MAN2B1: variants seen among roughly 807,000 people sequenced by gnomAD.
MAN2B1 encodes the protein mannosidase alpha class 2B member 1, also known as lysosomal alpha-mannosidase.
In MAN2B1, 99 loss-of-function variants were observed where a neutral mutation model predicts 127.5. That is an observed-to-expected ratio of 0.78 (90% CI 0.66 to 0.92). MAN2B1 has a LOEUF of 0.92. Ranked by LOEUF, MAN2B1 falls within the 40% of genes least tolerant of loss-of-function variation. The pLI, the probability that MAN2B1 is intolerant of heterozygous loss-of-function variation, is 0.00. For synonymous variants in MAN2B1, 573 were observed against 568.8 expected, an observed-to-expected ratio of 1.01 and a Z score of -0.11; for missense variants, 1,304 against 1,384.8, an observed-to-expected ratio of 0.94 and a Z score of 0.93.
chr19:12,652,012 G>C (rs1050613544), intron 16 of MAN2B1, 141 bp downstream of exon 16: 2 of 745,594 alleles, frequency 2.7e-6, no homozygotes, highest in Admixed American at 1.8e-5. Context: ...TATTTCCCCC[G>C]CTGATCTGTG....
Position 12,665,417 on chromosome 19 carries a change from A to G in MAN2B1, c.371T>C (p.Phe124Ser), listed in dbSNP as rs748180600. The G allele has an allele frequency of 1.1e-5, 17 of 1,613,382 alleles. No homozygotes were observed. The highest frequency in any genetic ancestry group is 1.4e-5 in the Non-Finnish European group (17 of 1,180,030). ...TGTCTGCTGGTGCCACCAACGGGAG[A>G]AGAAGGCAATCTCCACGTAAATGAA... ...RRFIYVEIAF[F>S]SRWWHQQTNA... The change falls in exon 3 of 24, where the codon TTC (phenylalanine) becomes TCC (serine). Residue 124 changes from phenylalanine (F) to serine (S), a missense_variant. Transcript: ENST00000456935.
chr19:12,655,731 C>T lies in MAN2B1; in HGVS notation c.1793G>A (p.Arg598Lys). 1 of 1,609,236 alleles carries T rather than the reference C, an allele frequency of 6.2e-7. No individual in the cohort carries two copies. Among genetic ancestry groups the T allele is most frequent in the South Asian group, 1.1e-5 (1 of 90,816 alleles). Residue 598 changes from arginine (R) to lysine (K), a missense_variant, in exon 14 of 24, where the codon AGA (arginine) becomes AAA (lysine). Transcript: ENST00000456935. ...PQARAPQPIP[R>K]RSWSPALTIE... Reference sequence around the variant, plus strand: ...GGTTAAAGCAGGGGACCAGGATCTTCTGGGGATGGGCTGTGGTGCGCGGGC... The same window carrying T: ...GGTTAAAGCAGGGGACCAGGATCTTTTGGGGATGGGCTGTGGTGCGCGGGC...
chr19:12,658,733 G>T, intron 7 of MAN2B1: 1 of 574,504 alleles, frequency 1.7e-6, no homozygotes, highest in Non-Finnish European at 3.1e-6. Flanking sequence ...GAATAAACCT[G>T]AAATTTTACT....
rs1246754802 is a variant in MAN2B1, at chr19:12,647,645, A to C, written c.2665-47T>G. 4.6e-6 allele frequency: 7 copies of C among 1,509,848 alleles called. No homozygotes were observed. Among genetic ancestry groups the C allele is most frequent in the East Asian group, 4.8e-5 (2 of 41,508 alleles). The allele number at this position is 1,509,848 out of a possible 1,614,324, so 93.5% of individuals were successfully genotyped here. On this transcript the variant is annotated intron_variant, in intron 21 of 23. Coordinates refer to ENST00000456935, the MANE Select transcript of MAN2B1 (RefSeq NM_000528.4). The surrounding 1 kb of genome is among the most constrained non-coding windows in gnomAD (Gnocchi z 4.9). ...TGAGTTGGAGAGGGGCGGGGCCTGG[A>C]TGGAGAAGGGCGGGGCCGAGCCAGG...
chr19:12,647,368 G>C lies in MAN2B1; in HGVS notation c.2821-33C>G, dbSNP rs779879898. 1 of 1,611,734 alleles carries C rather than the reference G, an allele frequency of 6.2e-7. No individual in the cohort carries two copies. The highest frequency in any genetic ancestry group is 1.3e-5 in the African/African-American group (1 of 74,848). ...GAAGGGGATGGGCCCAGATGAGTTG[G>C]GGCAAAGCCAGGTTTCTCTTCTCTC... is the stretch of plus-strand genomic sequence containing the variant. On this transcript the variant is annotated intron_variant, in intron 22 of 23. Transcript: ENST00000456935. This position sits in a 1 kb window ranked among gnomAD's most constrained non-coding sequence, Gnocchi z 4.9.
chr19:12,659,631 C>T (rs1286702175), intron 7 of MAN2B1, among the ~76,000 whole-genome samples: 1 of 151,774 alleles, frequency 6.6e-6, no homozygotes, highest in East Asian at 2.0e-4. Context: ...CCAGCCTGGC[C>T]AACATAGTGA....
chr19:12,657,868 T>G (rs1450219591), intron 10 of MAN2B1, 195 bp downstream of exon 10: 19 of 619,094 alleles, frequency 3.1e-5, no homozygotes, highest in Non-Finnish European at 2.7e-6. Flanking sequence ...GTCAGGAGAA[T>G]GGCGTGAACA....
chr19:12,661,038 T>C (rs1027678629), intron 7 of MAN2B1: 1 of 468,692 alleles, frequency 2.1e-6, no homozygotes, highest in Admixed American at 2.8e-5. Flanking sequence ...ATTACAGGCA[T>C]GAGCCATTGC....
chr19:12,656,434 G>A, intron 13 of MAN2B1, 137 bp downstream of exon 13: 1 of 699,948 alleles, frequency 1.4e-6, no homozygotes, highest in South Asian at 1.6e-5. Flanking sequence ...GGGGCAGAGG[G>A]AGAAGATACA....
intron 5 of MAN2B1, 119 bp from the exon 6 acceptor site, chr19:12,663,581 G>T: frequency 6.5e-7 from 1 of 1,545,834 alleles, no homozygotes. Context: ...AAAAGGAAAT[G>T]CAGGGCCTTT....
intron 18 of MAN2B1, 47 bp from the exon 19 acceptor site, chr19:12,649,475 C>CTAT: frequency 3.5e-6 from 2 of 574,484 alleles, no homozygotes; most frequent in Non-Finnish European, 5.6e-6. Flanking sequence ...GGCTCCCCAA[C>CTAT]TCTTTTTTTT....
chr19:12,658,052 C>T lies in MAN2B1; in HGVS notation c.1309+11G>A. On this transcript the variant is annotated intron_variant, in intron 10 of 23. Transcript: ENST00000456935. ...CCGCAAACCTCTTCCCCTCTTGGGCCCGACACTTACTGAGGGGTGCACTGT... is the reference window on the plus strand; with the variant it reads ...CCGCAAACCTCTTCCCCTCTTGGGCTCGACACTTACTGAGGGGTGCACTGT... 6.2e-7 allele frequency: 1 copy of T among 1,612,928 alleles called. No individual in the cohort carries two copies. The highest frequency in any genetic ancestry group is 8.5e-7 in the Non-Finnish European group (1 of 1,179,766).
intron 16 of MAN2B1, among the ~76,000 whole-genome samples, chr19:12,651,640 T>A (rs1194756647): frequency 6.6e-6 from 1 of 152,192 alleles, no homozygotes; most frequent in Non-Finnish European, 1.5e-5. Context: ...TGGACAAATG[T>A]GAGTTTTGTC....
rs1375276402 is a variant in MAN2B1, at chr19:12,649,128, C to G, written c.2436+8G>C. 6.2e-7 allele frequency: 1 copy of G among 1,611,364 alleles called. No homozygotes were observed. The highest frequency in any genetic ancestry group is 8.5e-7 in the Non-Finnish European group (1 of 1,179,376). On this transcript the variant is annotated splice_region_variant and intron_variant, in intron 20 of 23. Coordinates refer to ENST00000456935, the MANE Select transcript of MAN2B1 (RefSeq NM_000528.4). ...ACCCTGGCTCGGATGGGGCTCTGACCCACTCACCATGAGCTCCAGCGAGCC... is the reference window on the plus strand; with the variant it reads ...ACCCTGGCTCGGATGGGGCTCTGACGCACTCACCATGAGCTCCAGCGAGCC...
At chr19:12,649,276 T>C (rs2023777529) in intron 19 of MAN2B1, 60 bp from the exon 20 acceptor site, 3 of 1,596,794 alleles carry the variant, frequency 1.9e-6, no homozygotes, top group Non-Finnish European at 2.6e-6. Flanking sequence ...AGCTTTGAGA[T>C]GCTGCAGATA....
Position 12,648,371 on chromosome 19 carries a change from C to G in MAN2B1, c.2468G>C (p.Arg823Pro). 1 of 1,613,272 alleles carries G rather than the reference C, an allele frequency of 6.2e-7. No individual in the cohort carries two copies. The highest frequency in any genetic ancestry group is 8.5e-7 in the Non-Finnish European group (1 of 1,179,534). The change falls in exon 21 of 24, where the codon CGC (arginine) becomes CCC (proline). Residue 823 changes from arginine (R) to proline (P), a missense_variant. By Grantham distance (103) the Arg-to-Pro change is moderately radical. Transcript: ENST00000456935. ...VHRRLLKDDG[R>P]GVSEPLMENG... ...CTCCATTAGTGGCTCCGATACTCCG[C>G]GTCCATCGTCCTTCAGCAGCCTTCG...
chr19:12,658,896 G>T, intron 7 of MAN2B1: 1 of 337,826 alleles, frequency 3.0e-6, no homozygotes, highest in Non-Finnish European at 5.7e-6. Flanking sequence ...TTACTTTGTT[G>T]CCCAGGCTGT....
At position 12,664,853 on chromosome 19, in the gene MAN2B1, C is replaced by T. The variant is rs1435717493; in HGVS notation, c.569G>A (p.Arg190His). ...EDTFGNDGRP[R>H]VAWHIDPFGH... ...GAAGGGGTCAATGTGCCAGGCCACA[C>T]GGGGTCGCCCATCATTGCCAAATGT... Residue 190 changes from arginine (R) to histidine (H), a missense_variant, in exon 4 of 24, where the codon CGT (arginine) becomes CAT (histidine). Coordinates refer to ENST00000456935, the MANE Select transcript of MAN2B1 (RefSeq NM_000528.4). 2 of 1,613,830 alleles carry T rather than the reference C, an allele frequency of 1.2e-6. No homozygotes were observed. The highest frequency in any genetic ancestry group is 1.7e-6 in the Non-Finnish European group (2 of 1,179,964).
At position 12,647,826 on chromosome 19, in the gene MAN2B1, G is replaced by C. The variant is rs1418394526; in HGVS notation, c.2665-228C>G. 5.9e-5 allele frequency among the ~76,000 whole-genome samples: 9 copies of C among 151,798 alleles called. No individual in the cohort carries two copies. Among genetic ancestry groups the C allele is most frequent in the Non-Finnish European group, 1.0e-4 (7 of 67,972 alleles). ...GTTCGAGTCCCGATGGAGCAGAACT[G>C]ATGTGACCTGAGACTTTGGGAGTTA... On this transcript the variant is annotated intron_variant, in intron 21 of 23. Transcript: ENST00000456935. The surrounding 1 kb of genome is among the most constrained non-coding windows in gnomAD (Gnocchi z 4.9).
Sources: allele counts gnomAD v4.1 joint callset (sites outside exome capture counted in the v4.1 genomes callset), GRCh38; gene constraint gnomAD v4.1.1; non-coding constraint Gnocchi (gnomAD v3.1); transcripts MANE v1.5; gene names NCBI Gene and HGNC (gene_info 2026-07-23, HGNC 2026-07-21).